FAM193A: variants seen among roughly 807,000 people sequenced by gnomAD.
FAM193A encodes protein FAM193A.
A neutral mutation model predicts 126.5 loss-of-function variants in FAM193A; 22 were observed. The ratio of observed to expected loss-of-function variants is 0.17; its 90% CI spans 0.12 to 0.25. The LOEUF is 0.25. Ranked by LOEUF, FAM193A falls within the 10% of genes least tolerant of loss-of-function variation. FAM193A has a pLI of 1.00. For missense variants in FAM193A, 1,675 were observed against 1,672.8 expected (o/e 1.00, Z -0.02); for synonymous variants, 761 against 646.8 (o/e 1.18, Z -2.68).
In FAM193A at chr4:2,582,526, A is replaced by G. The variant is rs181347400; in HGVS notation, c.256-13558A>G. ...CTTAGTTGCGCATGACTTTTGTCCT[A>G]ATTAGTTGTGTATCCAGTTGTCTTT... On this transcript the variant is annotated intron_variant, in intron 1 of 20. Transcript: ENST00000637812. Among the ~76,000 whole-genome samples, 268 of 151,950 alleles carry G rather than the reference A, an allele frequency of 1.8e-3. 1 individual carries two copies. Among genetic ancestry groups the G allele is most frequent in the Non-Finnish European group, 1.7e-3 (115 of 67,958 alleles).
chr4:2,672,159 T>C lies in FAM193A; in HGVS notation c.2118T>C (p.Cys706=), dbSNP rs945930062. The change falls in exon 13 of 21, where the codon TGT becomes TGC. Residue 706 remains cysteine, a synonymous_variant. Transcript: ENST00000637812. ...QAPNTCECHV[C]KQEASGLTPS... is the part of the protein sequence containing the mutation. ...CAAACACTTGTGAATGTCATGTTTG[T>C]AAGCAGGAAGCTTCTGGACTGACAC... The C allele has an allele frequency of 1.1e-5, 18 of 1,614,238 alleles. No homozygotes were observed. Among genetic ancestry groups the C allele is most frequent in the Non-Finnish European group, 1.4e-5 (17 of 1,180,028 alleles).
intron 20 of FAM193A, among the ~76,000 whole-genome samples, chr4:2,726,449 G>C (rs1469244668): frequency 1.3e-5 from 2 of 152,046 alleles, no homozygotes; most frequent in Admixed American, 6.6e-5. Flanking sequence ...AAGAGATTTG[G>C]GTTTCAGGGA....
intron 1 of FAM193A, among the ~76,000 whole-genome samples, chr4:2,564,362 T>C (rs28362143): frequency 0.099 from 15,110 of 151,876 alleles, 1,553 homozygotes; most frequent in African/African-American, 0.26. Flanking sequence ...GGATTACAGG[T>C]GTGAGCCACC....
At chr4:2,537,613 G>A (rs1429217406) in intron 1 of FAM193A, among the ~76,000 whole-genome samples, 1 of 152,264 alleles carries the variant, frequency 6.6e-6, no homozygotes, top group African/African-American at 2.4e-5. Context: ...GAGCGACTGC[G>A]ATTCCGGGAG....
chr4:2,653,245 G>C (rs961281190), intron 7 of FAM193A, among the ~76,000 whole-genome samples: 5 of 152,112 alleles, frequency 3.3e-5, no homozygotes, highest in Non-Finnish European at 1.5e-5. Context: ...CATTTATTTT[G>C]AAATATTATA....
At chr4:2,646,637 C>T (rs747970769) in intron 6 of FAM193A, 48 bp from the exon 7 acceptor site, 13 of 1,543,740 alleles carry the variant, frequency 8.4e-6, no homozygotes, top group South Asian at 2.5e-5. Context: ...ATCTCTGCTT[C>T]AGAGCCTTTG....
At chr4:2,700,945 A>G (rs1049989847) in intron 19 of FAM193A, among the ~76,000 whole-genome samples, 5 of 151,908 alleles carry the variant, frequency 3.3e-5, no homozygotes, top group African/African-American at 1.2e-4. Flanking sequence ...AGCGTGGGTG[A>G]CAGAGAGACT....
At chr4:2,628,038 G>A (rs746563241) in intron 4 of FAM193A, among the ~76,000 whole-genome samples, 3 of 151,628 alleles carry the variant, frequency 2.0e-5, no homozygotes, top group Non-Finnish European at 2.9e-5. Context: ...CACCACACCC[G>A]GCTGCGCCCA....
chr4:2,678,776 A>G (rs920991838), intron 13 of FAM193A, among the ~76,000 whole-genome samples: 2 of 152,178 alleles, frequency 1.3e-5, no homozygotes, highest in Non-Finnish European at 1.5e-5. Context: ...TTGATTTTGT[A>G]TCTTCCTACT....
At chr4:2,612,880 A>G (rs1024096465) in intron 2 of FAM193A, among the ~76,000 whole-genome samples, 1 of 152,204 alleles carries the variant, frequency 6.6e-6, no homozygotes, top group Non-Finnish European at 1.5e-5. Flanking sequence ...TTCTTTTTCA[A>G]AAGTGGTTTG....
At position 2,637,785 on chromosome 4, in the gene FAM193A, G is replaced by C. The variant is rs1046004799; in HGVS notation, c.1039-1950G>C. On this transcript the variant is annotated intron_variant, in intron 5 of 20. Coordinates refer to ENST00000637812, the MANE Select transcript of FAM193A (RefSeq NM_001366318.2). ...TGGGGCATGGGCAGGGCACTACCAG[G>C]TTCACAGGGAACTTACTGGAGGCAT... Among the ~76,000 whole-genome samples the C allele has an allele frequency of 2.0e-5, 3 of 152,198 alleles. No homozygotes were observed. The East Asian group carries it at 5.8e-4, about 29-fold the overall frequency.
chr4:2,660,957 A>C (rs1712366456), intron 10 of FAM193A, among the ~76,000 whole-genome samples: 1 of 152,248 alleles, frequency 6.6e-6, no homozygotes, highest in South Asian at 2.1e-4. Flanking sequence ...TCCAGGGCAC[A>C]AGAAAGAGTG....
intron 19 of FAM193A, among the ~76,000 whole-genome samples, chr4:2,704,261 C>CA (rs958166050): frequency 0.32 from 28,402 of 88,960 alleles, 3,607 homozygotes; most frequent in Middle Eastern, 0.48. Context: ...GACTCCATCT[C>CA]AAAAAAAAAA....
At chr4:2,651,715 G>A (rs779958839) in intron 7 of FAM193A, among the ~76,000 whole-genome samples, 5 of 152,194 alleles carry the variant, frequency 3.3e-5, no homozygotes, top group South Asian at 2.1e-4. Flanking sequence ...CACGGCAGAC[G>A]TGGAAGGTCC....
chr4:2,611,859 C>T (rs940426314), intron 2 of FAM193A, among the ~76,000 whole-genome samples: 3 of 144,134 alleles, frequency 2.1e-5, no homozygotes, highest in Non-Finnish European at 3.0e-5. Flanking sequence ...TTTTTTGAGA[C>T]AGTCTCTCGC....
At chr4:2,583,218 C>T (rs183095674) in intron 1 of FAM193A, among the ~76,000 whole-genome samples, 1 of 152,336 alleles carries the variant, frequency 6.6e-6, no homozygotes, top group African/African-American at 2.4e-5. Flanking sequence ...AGGTGATTTG[C>T]CTGCCTCGGC....
intron 1 of FAM193A, among the ~76,000 whole-genome samples, chr4:2,561,642 G>T (rs1738622373): frequency 6.6e-6 from 1 of 151,654 alleles, no homozygotes; most frequent in African/African-American, 2.4e-5. Context: ...GATTACAGCT[G>T]CTTGTCACCA....
At chr4:2,656,526 T>TGGCC (rs1257973889) in intron 7 of FAM193A, among the ~76,000 whole-genome samples, 1 of 152,206 alleles carries the variant, frequency 6.6e-6, no homozygotes, top group Non-Finnish European at 1.5e-5. Context: ...GTGGTGCTCA[T>TGGCC]GGCCGTCACC....
chr4:2,628,869 T>C (rs1248563944), intron 4 of FAM193A, among the ~76,000 whole-genome samples: 2 of 149,106 alleles, frequency 1.3e-5, no homozygotes, highest in African/African-American at 4.9e-5. Context: ...TTTTTTTTTT[T>C]TGAGACGGAG....
Sources: gnomAD v4.1 joint callset for allele counts (sites outside exome capture counted in the v4.1 genomes callset) on GRCh38, gnomAD v4.1.1 for gene constraint, MANE v1.5 for transcripts, NCBI Gene and HGNC (gene_info 2026-07-23, HGNC 2026-07-21) for gene names.